Variants in EPHA6 observed in about 807,000 individuals in gnomAD.
The protein encoded by EPHA6 is ephrin type-A receptor 6.
Under a neutral mutation model 112.0 loss-of-function variants are expected in EPHA6, and 50 were observed. The ratio of observed to expected loss-of-function variants is 0.45; its 90% CI spans 0.36 to 0.56. EPHA6 has a LOEUF of 0.56. Ranked by LOEUF, EPHA6 falls within the 20% of genes least tolerant of loss-of-function variation. The pLI is 0.00. For missense variants in EPHA6, 1,280 were observed against 1,417.4 expected (o/e 0.90, Z 1.56); for synonymous variants, 529 against 490.7 (o/e 1.08, Z -1.03).
At chr3:97,198,766 A>T (rs1459683532) in intron 3 of EPHA6, among the ~76,000 whole-genome samples, 2 of 152,176 alleles carry the variant, frequency 1.3e-5, no homozygotes, top group Non-Finnish European at 2.9e-5. Context: ...AAATCATTAA[A>T]GCAAAAATTC....
intron 12 of EPHA6, among the ~76,000 whole-genome samples, chr3:97,595,741 A>G (rs958783163): frequency 1.3e-5 from 2 of 152,032 alleles, no homozygotes; most frequent in Non-Finnish European, 2.9e-5. Context: ...AAACGAAATA[A>G]GAGAATGGGG....
At chr3:97,537,145 A>C (rs1332713485) in intron 11 of EPHA6, among the ~76,000 whole-genome samples, 2 of 152,208 alleles carry the variant, frequency 1.3e-5, no homozygotes, top group Non-Finnish European at 2.9e-5. Context: ...GTAAAGTAGA[A>C]AAGTTATAGG....
intron 3 of EPHA6, among the ~76,000 whole-genome samples, chr3:97,218,632 T>C (rs946040717): frequency 6.6e-6 from 1 of 152,140 alleles, no homozygotes; most frequent in Non-Finnish European, 1.5e-5. Flanking sequence ...ACATAGGGAT[T>C]ATAGGGATTA....
At chr3:97,276,206 T>A (rs1208746533) in intron 5 of EPHA6, among the ~76,000 whole-genome samples, 1 of 151,982 alleles carries the variant, frequency 6.6e-6, no homozygotes, top group African/African-American at 2.4e-5. Flanking sequence ...TCCATGATGG[T>A]CTAGGGGGCT....
At chr3:97,252,656 A>C (rs979762831) in intron 5 of EPHA6, among the ~76,000 whole-genome samples, 7 of 152,078 alleles carry the variant, frequency 4.6e-5, no homozygotes, top group Admixed American at 2.0e-4. Flanking sequence ...AGAGTGGGGG[A>C]GTGTGCCAGG....
intron 2 of EPHA6, among the ~76,000 whole-genome samples, chr3:96,869,805 A>G (rs965144480): frequency 2.6e-5 from 4 of 152,096 alleles, no homozygotes; most frequent in Non-Finnish European, 5.9e-5. Context: ...ATTAAACATT[A>G]AGACAAAATT....
At chr3:97,117,836 A>G (rs1244976348) in intron 3 of EPHA6, among the ~76,000 whole-genome samples, 2 of 151,840 alleles carry the variant, frequency 1.3e-5, no homozygotes, top group Admixed American at 6.6e-5. Context: ...CCAAGTATGA[A>G]TGGTGCAGCA....
chr3:97,681,942 T>C (rs1456300105), intron 14 of EPHA6, among the ~76,000 whole-genome samples: 2 of 152,078 alleles, frequency 1.3e-5, no homozygotes, highest in African/African-American at 2.4e-5. Flanking sequence ...TATGTAATTT[T>C]AGAAAGATAT....
intron 2 of EPHA6, among the ~76,000 whole-genome samples, chr3:96,986,178 A>G (rs1448789081): frequency 6.6e-6 from 1 of 152,208 alleles, no homozygotes; most frequent in Non-Finnish European, 1.5e-5. Context: ...GCAATATTAA[A>G]TGAATAAATA....
chr3:96,944,584 C>T (rs2041152794), intron 2 of EPHA6, among the ~76,000 whole-genome samples: 1 of 152,180 alleles, frequency 6.6e-6, no homozygotes, highest in Non-Finnish European at 1.5e-5. Context: ...CTTGGCCGTG[C>T]ACAGTGGCTC....
chr3:97,053,605 A>G (rs1174415421), intron 3 of EPHA6, among the ~76,000 whole-genome samples: 1 of 152,128 alleles, frequency 6.6e-6, no homozygotes, highest in East Asian at 1.9e-4. Context: ...GCCTAGGTTC[A>G]GGGGAGTAAC....
intron 1 of EPHA6, among the ~76,000 whole-genome samples, chr3:96,857,706 T>A (rs2035776939): frequency 3.3e-5 from 5 of 152,176 alleles, no homozygotes; most frequent in Admixed American, 3.3e-4. Flanking sequence ...TATAGACTAC[T>A]CTGTTCTACA....
At chr3:97,499,595 G>T (rs1331793188) in intron 10 of EPHA6, among the ~76,000 whole-genome samples, 1 of 152,114 alleles carries the variant, frequency 6.6e-6, no homozygotes, top group African/African-American at 2.4e-5. Context: ...AAGCTATATG[G>T]TATAGCCTAT....
At chr3:97,095,626 A>G (rs1220790240) in intron 3 of EPHA6, among the ~76,000 whole-genome samples, 1 of 151,920 alleles carries the variant, frequency 6.6e-6, no homozygotes, top group Non-Finnish European at 1.5e-5. Flanking sequence ...CACATTTCCT[A>G]CCCTGCTTTT....
At chr3:96,875,468 C>A (rs1026039137) in intron 2 of EPHA6, among the ~76,000 whole-genome samples, 1 of 152,090 alleles carries the variant, frequency 6.6e-6, no homozygotes, top group African/African-American at 2.4e-5. Context: ...ATTGCTGCCT[C>A]ATTTTTCACT....
intron 6 of EPHA6, among the ~76,000 whole-genome samples, chr3:97,438,945 C>T (rs1577414444): frequency 6.6e-6 from 1 of 152,148 alleles, no homozygotes; most frequent in Admixed American, 6.5e-5. Context: ...AAAGATCACA[C>T]TTTAATAATT....
chr3:97,249,517 T>C (rs2079074195), intron 5 of EPHA6, among the ~76,000 whole-genome samples: 1 of 152,164 alleles, frequency 6.6e-6, no homozygotes, highest in South Asian at 2.1e-4. Context: ...GGAAAGGACC[T>C]CAGACTTTAG....
intron 3 of EPHA6, among the ~76,000 whole-genome samples, chr3:97,053,704 A>C (rs2045759621): frequency 6.6e-6 from 1 of 152,056 alleles, no homozygotes; most frequent in South Asian, 2.1e-4. Flanking sequence ...TTTTATTTAT[A>C]TTTCTTACAG....
chr3:97,638,865 A>T lies in EPHA6; in HGVS notation c.2784+783A>T, dbSNP rs566225774. Among the ~76,000 whole-genome samples, 14 of 152,306 alleles carry T rather than the reference A, an allele frequency of 9.2e-5. No individual in the cohort carries two copies. In the South Asian group the frequency reaches 2.9e-3, roughly 32 times the overall value. On this transcript the variant is annotated intron_variant, in intron 14 of 17. Coordinates refer to ENST00000389672, the MANE Select transcript of EPHA6 (RefSeq NM_001080448.3). ...ATTTGGCAGTCAGTTTCAATGAAAA[A>T]TAAGTTATTAAAGCTACTCAAAAGA...
Sources: allele counts gnomAD v4.1 joint callset (sites outside exome capture counted in the v4.1 genomes callset), GRCh38; gene constraint gnomAD v4.1.1; transcripts MANE v1.5; gene names NCBI Gene and HGNC (gene_info 2026-07-23, HGNC 2026-07-21).